Variants in PTH2R observed in about 807,000 individuals in gnomAD.
PTH2R encodes parathyroid hormone 2 receptor, also known as PTH2 receptor.
A neutral mutation model predicts 60.3 loss-of-function variants in PTH2R; 59 were observed. The observed-to-expected ratio is 0.98, with a 90% CI of 0.79 to 1.22. The LOEUF is 1.22. PTH2R is among the 50% of genes most tolerant of loss of function. The pLI is 0.00. For synonymous variants in PTH2R, 256 were observed against 243.8 expected, an observed-to-expected ratio of 1.05 and a Z score of -0.47; for missense variants, 749 against 682.6, an observed-to-expected ratio of 1.10 and a Z score of -1.08.
chr2:208,415,765 G>A (rs752962395), intron 1 of PTH2R, among the ~76,000 whole-genome samples: 4 of 152,090 alleles, frequency 2.6e-5, no homozygotes, highest in Admixed American at 6.6e-5. Context: ...AATTTAAGAT[G>A]AGATATCACA....
chr2:208,410,112 C>T (rs1237952060), intron 1 of PTH2R, among the ~76,000 whole-genome samples: 1 of 152,160 alleles, frequency 6.6e-6, no homozygotes, highest in African/African-American at 2.4e-5. Flanking sequence ...TACTGTTGAC[C>T]TTCCAGCATG....
chr2:208,453,532 G>T (rs779306630), intron 8 of PTH2R, among the ~76,000 whole-genome samples: 1 of 152,058 alleles, frequency 6.6e-6, no homozygotes, highest in Non-Finnish European at 1.5e-5. Flanking sequence ...AACAAACCAT[G>T]AATTCCAAAT....
chr2:208,403,666 C>T (rs1701349920), upstream of PTH2R, among the ~76,000 whole-genome samples: 1 of 152,202 alleles, frequency 6.6e-6, no homozygotes, highest in South Asian at 2.1e-4. Context: ...AGTACAACCA[C>T]TTACATAGCT....
chr2:208,433,388 A>G (rs981142027), intron 2 of PTH2R, among the ~76,000 whole-genome samples: 1 of 152,236 alleles, frequency 6.6e-6, no homozygotes, highest in Non-Finnish European at 1.5e-5. Flanking sequence ...AAACACTGGA[A>G]TGACATTTTG....
rs1701424273 is a variant in PTH2R at position 208,406,935 on chromosome 2, G to T, written c.-109G>T. Reference sequence around the variant, plus strand: ...GCCCGGGCCCGACCACCCCAGCTGCGCGTCGTTACTGGCCACAAGTTTGCT... The same window carrying T: ...GCCCGGGCCCGACCACCCCAGCTGCTCGTCGTTACTGGCCACAAGTTTGCT... On this transcript the variant is annotated 5_prime_UTR_variant, in exon 1 of 13. Transcript: ENST00000272847. 9.8e-6 allele frequency: 9 copies of T among 915,502 alleles called. No homozygotes were observed. Among genetic ancestry groups the T allele is most frequent in the Non-Finnish European group, 1.2e-5 (8 of 657,364 alleles). The allele number at this position is 915,502 out of a possible 1,614,324, so 56.7% of individuals were successfully genotyped here. A position where few individuals can be genotyped will look rare whatever the true frequency, so the allele number is the denominator to read the frequency against.
In PTH2R at chr2:208,493,344, C is replaced by T. The variant is rs779017173; in HGVS notation, c.1338C>T (p.Arg446=). The T allele has an allele frequency of 7.6e-6, 12 of 1,575,260 alleles. No individual in the cohort carries two copies. In the African/African-American group the frequency reaches 1.6e-4, roughly 21 times the overall value. The change falls in exon 13 of 13, where the codon CGC becomes CGT. Residue 446 remains arginine (R), a synonymous_variant. Coordinates refer to ENST00000272847, the MANE Select transcript of PTH2R (RefSeq NM_005048.4). The stretch of plus-strand genomic sequence containing the variant: ...AAAGGACACCGCCATGTGGCAGCCG[C>T]AGATGCGGCTCAGTGCTCACCACCG... ...DWKRTPPCGS[R]RCGSVLTTVT...
chr2:208,397,119 C>T (rs563749169), intron 1 of PTH2R, among the ~76,000 whole-genome samples: 1 of 151,948 alleles, frequency 6.6e-6, no homozygotes, highest in Non-Finnish European at 1.5e-5. Flanking sequence ...AACACTTGGA[C>T]ACAGGGAAGG....
chr2:208,407,244 A>G (rs1701435218), intron 1 of PTH2R, 126 bp downstream of exon 1: 2 of 768,014 alleles, frequency 2.6e-6, no homozygotes, highest in South Asian at 3.6e-5. Context: ...ACGCCCCGGC[A>G]CGCACCGAGG....
intron 9 of PTH2R, among the ~76,000 whole-genome samples, chr2:208,479,717 G>A (rs1044401245): frequency 6.6e-6 from 1 of 152,142 alleles, no homozygotes; most frequent in African/African-American, 2.4e-5. Context: ...TGAACAGAAG[G>A]TATCAGATGG....
At position 208,418,948 on chromosome 2, in the gene PTH2R, G is replaced by T. The variant is rs939402209; in HGVS notation, c.76-9253G>T. On this transcript the variant is annotated intron_variant, in intron 1 of 12. Transcript: ENST00000272847. ...TTACATGTATAAATAATACTACACT[G>T]TATAGTCTTTATGTATTTTCATATT... 3.9e-5 allele frequency among the ~76,000 whole-genome samples: 6 copies of T among 152,114 alleles called. No homozygotes were observed. In the East Asian group the frequency reaches 1.2e-3, roughly 29 times the overall value.
At chr2:208,474,678 C>T (rs1163079359) in intron 9 of PTH2R, among the ~76,000 whole-genome samples, 2 of 152,174 alleles carry the variant, frequency 1.3e-5, no homozygotes, top group African/African-American at 2.4e-5. Context: ...TGCTAAAGCA[C>T]ATTGGAATTT....
At chr2:208,457,339 T>G (rs1443536220) in intron 8 of PTH2R, among the ~76,000 whole-genome samples, 1 of 152,182 alleles carries the variant, frequency 6.6e-6, no homozygotes, top group Non-Finnish European at 1.5e-5. Context: ...AATATGCAAG[T>G]GTAAGATTTT....
intron 1 of PTH2R, among the ~76,000 whole-genome samples, chr2:208,371,431 C>T (rs1159801997): frequency 6.6e-6 from 1 of 152,094 alleles, no homozygotes; most frequent in Non-Finnish European, 1.5e-5. Flanking sequence ...CTCACTGAAG[C>T]CTCAGTTGGT....
upstream of PTH2R, among the ~76,000 whole-genome samples, chr2:208,404,780 G>T (rs553782871): frequency 1.6e-4 from 24 of 152,074 alleles, no homozygotes; most frequent in African/African-American, 5.3e-4. Context: ...TGTTTGAATG[G>T]CCAGACTTCC....
At chr2:208,490,058 C>A (rs1418563016) in intron 11 of PTH2R, among the ~76,000 whole-genome samples, 1 of 152,086 alleles carries the variant, frequency 6.6e-6, no homozygotes, top group African/African-American at 2.4e-5. Context: ...TCACTCATTT[C>A]TTTTCTTGCA....
intron 10 of PTH2R, among the ~76,000 whole-genome samples, chr2:208,485,284 C>G (rs1175982763): frequency 6.6e-6 from 1 of 152,168 alleles, no homozygotes; most frequent in Non-Finnish European, 1.5e-5. Flanking sequence ...CACTGAGTCC[C>G]AAAACCACCT....
At chr2:208,368,009 T>C (rs1280809844) in intron 1 of PTH2R, among the ~76,000 whole-genome samples, 1 of 77,096 alleles carries the variant, frequency 1.3e-5, no homozygotes, top group Non-Finnish European at 3.1e-5. Context: ...TCAATTTTAT[T>C]CATTATCTCT....
At position 208,493,651 on chromosome 2, in the gene PTH2R, G is replaced by A; in HGVS notation, c.1645G>A (p.Val549Ile). 4 of 1,550,572 alleles carry A rather than the reference G, an allele frequency of 2.6e-6. No individual in the cohort carries two copies. Among genetic ancestry groups the A allele is most frequent in the Non-Finnish European group, 3.5e-6 (4 of 1,144,902 alleles). The change falls in exon 13 of 13, where the codon GTT (valine) becomes ATT (isoleucine). Residue 549 changes from valine (V) to isoleucine (I), a missense_variant. Physicochemically the swap from Val to Ile is conservative, Grantham distance 29. Transcript: ENST00000272847. Reference sequence around the variant, plus strand: ...AGGATGCCAAGGAGAAACTGAGGATGTTCTCTGAATGGACATTTGTGGCTG... The same window carrying A: ...AGGATGCCAAGGAGAAACTGAGGATATTCTCTGAATGGACATTTGTGGCTG... ...TEGCQGETED[V>I]L
At position 208,493,780 on chromosome 2, in the gene PTH2R, A is replaced by G; in HGVS notation, c.*121A>G. ...AATTCAGTTAAGGTGTTACTTAATA[A>G]TAGTTTTTAGGCTCCATGAATTGGC... On this transcript the variant is annotated 3_prime_UTR_variant, in exon 13 of 13. Transcript: ENST00000272847. 8.5e-7 allele frequency: 1 copy of G among 1,182,440 alleles called. No homozygotes were observed. The highest frequency in any genetic ancestry group is 1.2e-6 in the Non-Finnish European group (1 of 869,096). 73.2% of individuals were successfully genotyped at this position (1,182,440 alleles called of 1,614,324 possible). A position where few individuals can be genotyped will look rare whatever the true frequency, so the allele number is the denominator to read the frequency against.
Sources: allele counts gnomAD v4.1 joint callset (sites outside exome capture counted in the v4.1 genomes callset), GRCh38; gene constraint gnomAD v4.1.1; transcripts MANE v1.5; gene names NCBI Gene and HGNC (gene_info 2026-07-23, HGNC 2026-07-21).